The following NGEF variants were observed in gnomAD, a reference collection of about 807,000 sequenced individuals.
NGEF encodes neuronal guanine nucleotide exchange factor.
In NGEF, 31 loss-of-function variants were observed where a neutral mutation model predicts 80.9. The observed-to-expected ratio is 0.38, with a 90% confidence interval of 0.29 to 0.52. The LOEUF is 0.52. Ranked by LOEUF, NGEF falls within the 20% of genes least tolerant of loss-of-function variation. The pLI is 0.84. For synonymous variants in NGEF, 371 were observed against 370.2 expected, an observed-to-expected ratio of 1.00 and a Z score of -0.03; for missense variants, 709 against 926.2, an observed-to-expected ratio of 0.77 and a Z score of 3.04.
At chr2:232,891,914 T>C (rs892015728) in intron 7 of NGEF, among the ~76,000 whole-genome samples, 4 of 152,088 alleles carry the variant, frequency 2.6e-5, no homozygotes, top group African/African-American at 9.7e-5. Context: ...GCCACAGCGC[T>C]GATGAGGGCT....
At chr2:232,953,385 C>T (rs771269267) in intron 3 of NGEF, among the ~76,000 whole-genome samples, 1 of 147,442 alleles carries the variant, frequency 6.8e-6, no homozygotes, top group Admixed American at 6.8e-5. Flanking sequence ...GAAAAGTGAC[C>T]AGTGTGTCTG....
chr2:232,966,856 T>G (rs1338480690), intron 3 of NGEF, among the ~76,000 whole-genome samples: 1 of 150,562 alleles, frequency 6.6e-6, no homozygotes, highest in Admixed American at 6.6e-5. Flanking sequence ...CCAGTGAGGG[T>G]GGGGGGGGAG....
At chr2:232,914,087 G>C (rs2106269369) in intron 5 of NGEF, among the ~76,000 whole-genome samples, 1 of 152,300 alleles carries the variant, frequency 6.6e-6, no homozygotes, top group East Asian at 1.9e-4. Context: ...ACTTGTATTT[G>C]TAAATAAAGT....
chr2:232,974,660 G>C lies in NGEF; in HGVS notation c.231C>G (p.Ala77=). Reference sequence around the variant, plus strand: ...TGGCGTTCCGTTCGGGGTTGTCTCTGGCCTTGGCTTTGCTTTTGCGTCTTA... The same window carrying C: ...TGGCGTTCCGTTCGGGGTTGTCTCTCGCCTTGGCTTTGCTTTTGCGTCTTA... The part of the protein sequence containing the change: ...RSIRRKSKAK[A]RDNPERNASC... Residue 77 remains alanine (A), a synonymous_variant, in exon 2 of 15, where the codon GCC becomes GCG. Coordinates refer to ENST00000264051, the MANE Select transcript of NGEF (RefSeq NM_019850.3). 6.2e-7 allele frequency: 1 copy of C among 1,614,196 alleles called. No individual in the cohort carries two copies. The highest frequency in any genetic ancestry group is 1.3e-5 in the African/African-American group (1 of 75,038).
intron 5 of NGEF, among the ~76,000 whole-genome samples, chr2:232,907,689 TA>T (rs10933413): frequency 0.83 from 125,361 of 151,938 alleles, 51,844 homozygotes; most frequent in East Asian, 0.86. Flanking sequence ...TAAAAGAAAG[TA>T]AAAAAAAAAT....
chr2:232,999,863 C>T (rs1009822161), intron 1 of NGEF, among the ~76,000 whole-genome samples: 3 of 152,182 alleles, frequency 2.0e-5, no homozygotes, highest in Admixed American at 6.5e-5. Flanking sequence ...ATTTGCATGT[C>T]GGGGTTGCTG....
Position 232,990,674 on chromosome 2 carries a change from G to A in NGEF, c.-74-15710C>T, listed in dbSNP as rs1694632942. Among the ~76,000 whole-genome samples the A allele has an allele frequency of 4.6e-5, 7 of 152,116 alleles. No homozygotes were observed. The South Asian group carries it at 1.5e-3, about 32-fold the overall frequency. ...AAGTAGTTGATCAGTGAAACAGAAT[G>A]GCCAGCCCAAAAATAAATTCTTATC... On this transcript the variant is annotated intron_variant, in intron 1 of 14. Transcript: ENST00000264051.
At chr2:233,005,614 A>G (rs1278496704) in intron 1 of NGEF, among the ~76,000 whole-genome samples, 2 of 152,202 alleles carry the variant, frequency 1.3e-5, no homozygotes, top group Non-Finnish European at 1.5e-5. Context: ...TGAAGATGCT[A>G]TGCTGCTGGA....
chr2:232,900,172 TCA>T (rs1692266490), intron 5 of NGEF, among the ~76,000 whole-genome samples: 1 of 97,826 alleles, frequency 1.0e-5, no homozygotes, highest in Non-Finnish European at 2.0e-5. Context: ...ATATACACGT[TCA>T]CTCACATTCA....
rs1257482994 is a variant in NGEF, at chr2:232,974,734, G to A, written c.157C>T (p.Pro53Ser). The stretch of plus-strand genomic sequence containing the variant: ...CTCTTAATTGGGATGTGGCAATGAG[G>A]CTCTTTGTCTTGGATATCCTGGTCA... ...QADQDIQDKE[P>S]HCHIPIKRNS... Residue 53 changes from proline to serine, a missense_variant, in exon 2 of 15, where the codon CCT becomes TCT. Around this residue, in one of 2 missense-constraint regions of NGEF, gnomAD observed 283 missense variants for 303.4 expected, o/e 0.93. Transcript: ENST00000264051. The A allele has an allele frequency of 6.2e-7, 1 of 1,614,100 alleles. No individual in the cohort carries two copies.
intron 3 of NGEF, among the ~76,000 whole-genome samples, chr2:232,944,962 G>C (rs1693525602): frequency 6.6e-6 from 1 of 151,788 alleles, no homozygotes; most frequent in Admixed American, 6.6e-5. Context: ...ATTTTGGCCA[G>C]GCTGGTCCAG....
intron 11 of NGEF, among the ~76,000 whole-genome samples, chr2:232,883,670 G>A (rs1691586455): frequency 1.3e-5 from 2 of 152,148 alleles, no homozygotes; most frequent in Non-Finnish European, 2.9e-5. Flanking sequence ...CAGCACCACG[G>A]TCCTGCCAAC....
At chr2:232,946,730 C>T (rs1253837874) in intron 3 of NGEF, among the ~76,000 whole-genome samples, 2 of 152,124 alleles carry the variant, frequency 1.3e-5, no homozygotes, top group Non-Finnish European at 2.9e-5. Context: ...CATGCTGTGT[C>T]TGAAAGCAAG....
chr2:232,912,134 T>C (rs533518980), intron 5 of NGEF, among the ~76,000 whole-genome samples: 29 of 152,320 alleles, frequency 1.9e-4, no homozygotes, highest in Middle Eastern at 3.4e-3. Flanking sequence ...TGATGTTTGC[T>C]ATAGGTTTTT....
chr2:232,978,622 A>G (rs1006552101), intron 1 of NGEF, among the ~76,000 whole-genome samples: 4 of 152,158 alleles, frequency 2.6e-5, no homozygotes, highest in Non-Finnish European at 5.9e-5. Flanking sequence ...ACCAAGATAC[A>G]GAACAGCTCC....
chr2:232,916,970 G>C (rs945865376), intron 5 of NGEF, among the ~76,000 whole-genome samples: 1 of 152,218 alleles, frequency 6.6e-6, no homozygotes, highest in Non-Finnish European at 1.5e-5. Context: ...TCCACCAGGC[G>C]CTCAGGGCAG....
At chr2:232,945,242 T>C (rs949581198) in intron 3 of NGEF, among the ~76,000 whole-genome samples, 5 of 152,128 alleles carry the variant, frequency 3.3e-5, no homozygotes, top group African/African-American at 1.2e-4. Flanking sequence ...GTACTTTATT[T>C]TTATACCCTG....
At chr2:232,919,272 G>A (rs1165160997) in intron 5 of NGEF, among the ~76,000 whole-genome samples, 1 of 152,170 alleles carries the variant, frequency 6.6e-6, no homozygotes. Context: ...ATATCGGGGG[G>A]TAGGGAAAGG....
chr2:232,960,498 G>A (rs576763458), intron 3 of NGEF, among the ~76,000 whole-genome samples: 8 of 152,258 alleles, frequency 5.3e-5, no homozygotes, highest in Non-Finnish European at 8.8e-5. Flanking sequence ...GAAAGGGGAG[G>A]TCATGGGTGT....
Sources: gnomAD v4.1 joint callset for allele counts (sites outside exome capture counted in the v4.1 genomes callset) on GRCh38, gnomAD v4.1.1 for gene constraint, gnomAD v4.1.1 regional missense constraint, MANE v1.5 for transcripts, NCBI Gene and HGNC (gene_info 2026-07-23, HGNC 2026-07-21) for gene names.